Variants in PPP1R9A observed in about 807,000 individuals in gnomAD.
The protein encoded by PPP1R9A is neurabin-1.
Under a neutral mutation model 141.9 loss-of-function variants are expected in PPP1R9A, and 59 were observed. That is an observed-to-expected ratio of 0.42 (90% CI 0.34 to 0.52). The LOEUF (loss-of-function observed/expected upper bound fraction) is 0.52, where lower values mean the gene tolerates loss of function less well. PPP1R9A is among the 20% of genes least tolerant of loss of function. The pLI is 0.10. For missense variants in PPP1R9A, 1,444 were observed against 1,611.9 expected, an observed-to-expected ratio of 0.90 and a Z score of 1.78; for synonymous variants, 500 against 569.7, an observed-to-expected ratio of 0.88 and a Z score of 1.74.
At chr7:95,221,711 G>A (rs1011450928) in intron 7 of PPP1R9A, among the ~76,000 whole-genome samples, 1 of 151,830 alleles carries the variant, frequency 6.6e-6, no homozygotes, top group African/African-American at 2.4e-5. Flanking sequence ...GGTATGAGAA[G>A]GAAATATAAA....
intron 13 of PPP1R9A, 57 bp from the exon 14 acceptor site, chr7:95,269,150 T>C: frequency 7.0e-7 from 1 of 1,432,860 alleles, no homozygotes; most frequent in Admixed American, 2.3e-5. Context: ...AAAGTAAGTA[T>C]TGCATAGAAC....
At chr7:95,198,154 A>T (rs565950181) in intron 5 of PPP1R9A, among the ~76,000 whole-genome samples, 195 bp from the exon 6 acceptor site, 1 of 152,064 alleles carries the variant, frequency 6.6e-6, no homozygotes, top group African/African-American at 2.4e-5. Context: ...TTCCTTTATG[A>T]GCTGTGTCCC....
intron 2 of PPP1R9A, among the ~76,000 whole-genome samples, chr7:94,967,886 G>A (rs936621597): frequency 1.3e-5 from 2 of 152,162 alleles, no homozygotes; most frequent in Admixed American, 1.3e-4. Flanking sequence ...TGTATATTCT[G>A]TTGATTTGGG....
chr7:95,058,992 G>A (rs1411077616), intron 2 of PPP1R9A, among the ~76,000 whole-genome samples: 3 of 151,976 alleles, frequency 2.0e-5, no homozygotes, highest in Non-Finnish European at 4.4e-5. Flanking sequence ...GTTTCACCAT[G>A]GTGGCCAGGC....
chr7:95,103,981 A>G (rs765018634), intron 2 of PPP1R9A, among the ~76,000 whole-genome samples: 1 of 152,200 alleles, frequency 6.6e-6, no homozygotes, highest in African/African-American at 2.4e-5. Context: ...TATTTCAATC[A>G]TGAATCCACA....
chr7:95,082,766 CTTTT>C lies in PPP1R9A; in HGVS notation c.1396-28473_1396-28470del, dbSNP rs1159814204. Among the ~76,000 whole-genome samples, 100 of 109,498 alleles carry C rather than the reference CTTTT, an allele frequency of 9.1e-4. 5 individuals carry two copies. Among genetic ancestry groups the C allele is most frequent in the Middle Eastern group, 4.9e-3 (1 of 204 alleles). 71.8% of individuals were successfully genotyped at this position (109,498 alleles called of 152,430 possible). A position where few individuals can be genotyped will look rare whatever the true frequency, so the allele number is the denominator to read the frequency against. ...AAAAAGTGTAGGGTGGAAGGGATTT[CTTTT>C]TTTTTTTTTTTTTTTTTTTGAGACG... On this transcript the variant is annotated intron_variant, in intron 2 of 19. Coordinates refer to ENST00000433360, the MANE Select transcript of PPP1R9A (RefSeq NM_001166160.2).
intron 2 of PPP1R9A, among the ~76,000 whole-genome samples, chr7:94,978,107 T>G (rs1211143720): frequency 1.3e-5 from 2 of 152,078 alleles, no homozygotes; most frequent in African/African-American, 4.8e-5. Context: ...ATAAAGTGAG[T>G]GTTTAGCTCC....
At chr7:95,023,797 C>T (rs936349466) in intron 2 of PPP1R9A, among the ~76,000 whole-genome samples, 8 of 152,114 alleles carry the variant, frequency 5.3e-5, no homozygotes, top group African/African-American at 1.9e-4. Flanking sequence ...TGTGATCTGC[C>T]CGCCTTGGCC....
chr7:95,160,031 CTGTT>C (rs1331173187), intron 4 of PPP1R9A, among the ~76,000 whole-genome samples: 3 of 151,150 alleles, frequency 2.0e-5, no homozygotes, highest in Admixed American at 6.6e-5. Context: ...AGTTTATTAT[CTGTT>C]TGACTACATT....
chr7:95,264,817 A>C (rs542487863), intron 12 of PPP1R9A, among the ~76,000 whole-genome samples: 1 of 152,336 alleles, frequency 6.6e-6, no homozygotes, highest in African/African-American at 2.4e-5. Context: ...AAAGCAGAGG[A>C]GGAAAAGGAA....
intron 16 of PPP1R9A, 22 bp from the exon 17 acceptor site, chr7:95,283,996 A>T: frequency 6.5e-7 from 1 of 1,549,404 alleles, no homozygotes; most frequent in Non-Finnish European, 8.8e-7. Flanking sequence ...TATCTAACAC[A>T]CCCATTCTTT....
At chr7:95,238,134 C>T (rs975789540) in intron 8 of PPP1R9A, among the ~76,000 whole-genome samples, 7 of 152,148 alleles carry the variant, frequency 4.6e-5, no homozygotes, top group African/African-American at 1.7e-4. Context: ...TACCTCTCCT[C>T]TTGTTGCCAA....
intron 8 of PPP1R9A, among the ~76,000 whole-genome samples, chr7:95,235,569 G>C (rs1323431695): frequency 6.6e-6 from 1 of 152,150 alleles, no homozygotes; most frequent in Non-Finnish European, 1.5e-5. Context: ...TTACACTGTT[G>C]GTGGGAATGT....
chr7:94,920,719 G>A (rs139714802), intron 2 of PPP1R9A, among the ~76,000 whole-genome samples: 1 of 152,180 alleles, frequency 6.6e-6, no homozygotes, highest in Non-Finnish European at 1.5e-5. Context: ...TTCGGACATA[G>A]AGTGGTTGGC....
intron 2 of PPP1R9A, among the ~76,000 whole-genome samples, chr7:94,974,398 G>A (rs1296875708): frequency 7.2e-5 from 11 of 152,204 alleles, no homozygotes; most frequent in African/African-American, 2.7e-4. Context: ...TTTTGGATAA[G>A]TTGAGTGTTA....
chr7:95,273,766 A>T (rs1802629457), intron 14 of PPP1R9A, 133 bp from the exon 15 acceptor site: 1 of 859,888 alleles, frequency 1.2e-6, no homozygotes, highest in African/African-American at 1.7e-5. Context: ...TAGGTCGTAT[A>T]AGAAGGCATT....
At chr7:95,140,032 C>T (rs778546248) in intron 4 of PPP1R9A, among the ~76,000 whole-genome samples, 1 of 152,136 alleles carries the variant, frequency 6.6e-6, no homozygotes, top group Non-Finnish European at 1.5e-5. Context: ...AGAGGCTATA[C>T]TGGAAGAAAA....
chr7:95,072,334 AATAAT>A (rs1049063660), intron 2 of PPP1R9A, among the ~76,000 whole-genome samples: 2 of 144,258 alleles, frequency 1.4e-5, no homozygotes, highest in African/African-American at 5.0e-5. Context: ...TATTATATAT[AATAAT>A]ATAAGTTATA....
At chr7:95,179,789 A>T (rs2152785078) in intron 5 of PPP1R9A, among the ~76,000 whole-genome samples, 1 of 151,420 alleles carries the variant, frequency 6.6e-6, no homozygotes, top group Non-Finnish European at 1.5e-5. Flanking sequence ...AAAAAAAAAA[A>T]AAAAAAATAC....
Sources: allele counts gnomAD v4.1 joint callset (sites outside exome capture counted in the v4.1 genomes callset), GRCh38; gene constraint gnomAD v4.1.1; transcripts MANE v1.5; gene names NCBI Gene and HGNC (gene_info 2026-07-23, HGNC 2026-07-21).